Variants in SLIT3 observed in about 807,000 individuals in gnomAD.
The protein encoded by SLIT3 is slit guidance ligand 3, also known as slit homolog 3 protein.
SLIT3 carries 68 observed loss-of-function variants against 184.0 expected under a neutral mutation model. The observed-to-expected ratio is 0.37, with a 90% confidence interval of 0.30 to 0.45. The LOEUF (loss-of-function observed/expected upper bound fraction) is 0.45, where lower values mean the gene tolerates loss of function less well. SLIT3 is among the 20% of genes least tolerant of loss of function. SLIT3 has a pLI of 1.00. For missense variants in SLIT3, 1,707 were observed against 2,026.0 expected, an observed-to-expected ratio of 0.84 and a Z score of 3.02; for synonymous variants, 831 against 828.6, an observed-to-expected ratio of 1.00 and a Z score of -0.05.
At chr5:169,205,726 CTGCTGCCCAAGCCCCCTG>C (rs1764047052) in intron 3 of SLIT3, among the ~76,000 whole-genome samples, 1 of 152,230 alleles carries the variant, frequency 6.6e-6, no homozygotes. Context: ...AAGTTGCGTG[CTGCTGCCCAAGCCCCCTG>C]TGCTGGCTAT....
At chr5:168,972,857 C>A (rs564223221) in intron 4 of SLIT3, among the ~76,000 whole-genome samples, 1 of 152,182 alleles carries the variant, frequency 6.6e-6, no homozygotes, top group Non-Finnish European at 1.5e-5. Flanking sequence ...TCCTTCTGTT[C>A]GCAGGTCAAA....
intron 4 of SLIT3, among the ~76,000 whole-genome samples, chr5:169,117,743 G>C (rs1344110875): frequency 6.6e-6 from 1 of 152,106 alleles, no homozygotes; most frequent in Admixed American, 6.5e-5. Context: ...GACCCAAAGG[G>C]GTCTCTATTC....
At chr5:168,701,524 C>T (rs1056752673) in intron 26 of SLIT3, among the ~76,000 whole-genome samples, 3 of 152,156 alleles carry the variant, frequency 2.0e-5, no homozygotes, top group Non-Finnish European at 4.4e-5. Context: ...GGGAGAGGAG[C>T]GTGCCAGGCA....
intron 4 of SLIT3, among the ~76,000 whole-genome samples, chr5:169,145,950 T>C (rs12516571): frequency 0.24 from 36,259 of 151,652 alleles, 4,439 homozygotes; most frequent in South Asian, 0.32. Flanking sequence ...ACTCTGGAGG[T>C]TGAGGCAGGA....
At chr5:168,771,951 G>A (rs73308251) in intron 14 of SLIT3, among the ~76,000 whole-genome samples, 13,814 of 152,178 alleles carry the variant, frequency 0.091, 665 homozygotes, top group Admixed American at 0.1. Context: ...CATGCTATCA[G>A]TCTTTCACCA....
intron 12 of SLIT3, among the ~76,000 whole-genome samples, chr5:168,777,800 C>T (rs935840938): frequency 1.3e-5 from 2 of 152,176 alleles, no homozygotes; most frequent in Non-Finnish European, 2.9e-5. Flanking sequence ...CACTGGTCCC[C>T]AGCATCAGCA....
chr5:168,860,891 T>C (rs1759078784), intron 5 of SLIT3, among the ~76,000 whole-genome samples: 1 of 152,196 alleles, frequency 6.6e-6, no homozygotes, highest in African/African-American at 2.4e-5. Context: ...CCGACTCTGG[T>C]GCTTCCCCTG....
intron 4 of SLIT3, among the ~76,000 whole-genome samples, chr5:168,894,268 T>C (rs146035376): frequency 6.6e-6 from 1 of 152,324 alleles, no homozygotes; most frequent in African/African-American, 2.4e-5. Flanking sequence ...CAATGTAGTG[T>C]TTTATGATGG....
chr5:168,762,108 C>G (rs1411966620), intron 15 of SLIT3, among the ~76,000 whole-genome samples: 1 of 151,608 alleles, frequency 6.6e-6, no homozygotes, highest in Non-Finnish European at 1.5e-5. Context: ...TTTGATAAAC[C>G]AACACATCCC....
At chr5:168,757,150 G>C (rs1368338725) in intron 16 of SLIT3, among the ~76,000 whole-genome samples, 2 of 152,178 alleles carry the variant, frequency 1.3e-5, no homozygotes, top group African/African-American at 4.8e-5. Flanking sequence ...CACATTCTTA[G>C]AGCAGTATCT....
chr5:168,753,238 G>A, intron 17 of SLIT3, 140 bp from the exon 18 acceptor site: 1 of 841,380 alleles, frequency 1.2e-6, no homozygotes, highest in Non-Finnish European at 1.8e-6. Flanking sequence ...GATCAGGTTT[G>A]TCCTGTGATA....
chr5:168,826,133 C>T (rs1011525396), intron 6 of SLIT3, among the ~76,000 whole-genome samples: 14 of 152,204 alleles, frequency 9.2e-5, no homozygotes, highest in African/African-American at 2.4e-4. Context: ...TAACTGCATC[C>T]GGCAGTAGTC....
At chr5:169,044,786 G>A (rs1757569996) in intron 4 of SLIT3, among the ~76,000 whole-genome samples, 1 of 152,078 alleles carries the variant, frequency 6.6e-6, no homozygotes, top group African/African-American at 2.4e-5. Context: ...AAAGGGCCAG[G>A]GTTGCTAGAA....
intron 4 of SLIT3, among the ~76,000 whole-genome samples, chr5:168,988,818 C>A (rs141146430): frequency 1.2e-4 from 19 of 152,180 alleles, no homozygotes. Flanking sequence ...CCTCGAAAGC[C>A]TTCCTGGGTT....
At chr5:168,875,595 C>T (rs1314949351) in intron 5 of SLIT3, among the ~76,000 whole-genome samples, 3 of 151,682 alleles carry the variant, frequency 2.0e-5, no homozygotes, top group African/African-American at 7.3e-5. Flanking sequence ...GATTGCGCCA[C>T]TGCACCCCGG....
chr5:169,083,577 G>C (rs1490983644), intron 4 of SLIT3, among the ~76,000 whole-genome samples: 1 of 152,174 alleles, frequency 6.6e-6, no homozygotes, highest in Admixed American at 6.5e-5. Context: ...CTCTTCAAAG[G>C]GGAGCCTCTC....
intron 4 of SLIT3, among the ~76,000 whole-genome samples, chr5:169,053,285 T>C (rs1363621379): frequency 6.6e-6 from 1 of 152,216 alleles, no homozygotes. Context: ...AAAACTCTGA[T>C]TGTGTCTGTG....
chr5:169,074,184 G>C (rs968400692), intron 4 of SLIT3, among the ~76,000 whole-genome samples: 4 of 152,156 alleles, frequency 2.6e-5, no homozygotes, highest in Admixed American at 6.5e-5. Flanking sequence ...CTGGAGCTGG[G>C]TAGGGGCAAC....
At chr5:168,883,711 C>A (rs1760053249) in intron 4 of SLIT3, among the ~76,000 whole-genome samples, 2 of 151,790 alleles carry the variant, frequency 1.3e-5, no homozygotes, top group Non-Finnish European at 2.9e-5. Context: ...CATTCCTCCC[C>A]CACTGTGGGG....
Sources: gnomAD v4.1 joint callset for allele counts (sites outside exome capture counted in the v4.1 genomes callset) on GRCh38, gnomAD v4.1.1 for gene constraint, MANE v1.5 for transcripts, NCBI Gene and HGNC (gene_info 2026-07-23, HGNC 2026-07-21) for gene names.